BARD1: variants seen among roughly 807,000 people sequenced by gnomAD.
BARD1 encodes BRCA1-associated RING domain protein 1.
A neutral mutation model predicts 77.0 loss-of-function variants in BARD1; 73 were observed. The observed-to-expected ratio is 0.95, with a 90% CI of 0.79 to 1.15. The LOEUF (loss-of-function observed/expected upper bound fraction) is 1.15, where lower values mean the gene tolerates loss of function less well. BARD1 is among the 50% of genes most tolerant of loss of function. BARD1 has a pLI of 0.00. For missense variants in BARD1, 993 were observed against 938.8 expected (o/e 1.06, Z -0.75); for synonymous variants, 384 against 338.0 (o/e 1.14, Z -1.49).
intron 7 of BARD1, among the ~76,000 whole-genome samples, chr2:214,749,714 A>G (rs1693311246): frequency 6.6e-6 from 1 of 152,102 alleles, no homozygotes; most frequent in Non-Finnish European, 1.5e-5. Flanking sequence ...GTGGGACTGA[A>G]TTGAGTACCG....
chr2:214,796,792 T>C (rs181340368), intron 2 of BARD1: 3 of 454,596 alleles, frequency 6.6e-6, no homozygotes, highest in Admixed American at 3.7e-5. Context: ...TTGAATTATA[T>C]AAAAGGCATT....
At chr2:214,756,744 G>A (rs1247356815) in intron 6 of BARD1, among the ~76,000 whole-genome samples, 1 of 152,160 alleles carries the variant, frequency 6.6e-6, no homozygotes, top group Admixed American at 6.5e-5. Context: ...ATCAAACATT[G>A]TATGTTCTCA....
At chr2:214,801,391 A>T (rs769470126) in intron 1 of BARD1, among the ~76,000 whole-genome samples, 1 of 152,226 alleles carries the variant, frequency 6.6e-6, no homozygotes, top group Non-Finnish European at 1.5e-5. Flanking sequence ...TTACTGAAGA[A>T]GATTCACACT....
intron 3 of BARD1, among the ~76,000 whole-genome samples, chr2:214,789,251 AGGCAC>A (rs1695411590): frequency 6.6e-6 from 1 of 152,016 alleles, no homozygotes. Context: ...TAATTAGGTC[AGGCAC>A]AATTAGCTCA....
At chr2:214,740,474 G>A (rs1159900843) in intron 9 of BARD1, among the ~76,000 whole-genome samples, 12 of 151,938 alleles carry the variant, frequency 7.9e-5, no homozygotes, top group Admixed American at 7.9e-4. Context: ...TAAACAAATA[G>A]TCCTCTTCAG....
At chr2:214,795,328 T>C (rs1464080058) in intron 2 of BARD1, among the ~76,000 whole-genome samples, 1 of 152,018 alleles carries the variant, frequency 6.6e-6, no homozygotes, top group Non-Finnish European at 1.5e-5. Flanking sequence ...ATTTGGTGTA[T>C]TGAATGAGCT....
At chr2:214,803,032 G>C (rs4016112) in intron 1 of BARD1, among the ~76,000 whole-genome samples, 40,240 of 151,188 alleles carry the variant, frequency 0.27, 5,682 homozygotes, top group African/African-American at 0.37. Context: ...CCCCCAACCC[G>C]GTGCTCTCTG....
chr2:214,792,335 C>T lies in BARD1; in HGVS notation c.326G>A (p.Ser109Asn), dbSNP rs1695556373. ...GTCATGTAGCAAATTTCGAAGCTTA[C>T]TACAAAGTTGAATCATGCTGTCCAG... ...RQLDSMIQLCSKLRNLLHDNE... is the reference protein window; with the variant it reads ...RQLDSMIQLCNKLRNLLHDNE... Residue 109 changes from serine to asparagine, a missense_variant, in exon 3 of 11, where the codon AGT becomes AAT. Ser to Asn is a conservative substitution (Grantham distance 46, BLOSUM62 1). Transcript: ENST00000260947. The T allele has an allele frequency of 6.2e-7, 1 of 1,613,190 alleles. No individual in the cohort carries two copies. The highest frequency in any genetic ancestry group is 8.5e-7 in the Non-Finnish European group (1 of 1,179,668).
intron 9 of BARD1, among the ~76,000 whole-genome samples, chr2:214,742,363 G>C (rs1247575852): frequency 1.3e-5 from 2 of 152,156 alleles, no homozygotes; most frequent in African/African-American, 4.8e-5. Context: ...TGAGATGCTT[G>C]ACACTGAGAA....
At chr2:214,798,839 C>T (rs1231645866) in intron 1 of BARD1, among the ~76,000 whole-genome samples, 1 of 150,854 alleles carries the variant, frequency 6.6e-6, no homozygotes, top group Admixed American at 6.6e-5. Flanking sequence ...TTGGTAGCAA[C>T]CGGGTACTGA....
intron 10 of BARD1, 52 bp downstream of exon 10, chr2:214,730,359 A>C: frequency 2.7e-6 from 4 of 1,491,410 alleles, no homozygotes; most frequent in Non-Finnish European, 3.7e-6. Flanking sequence ...GATGGTGATA[A>C]TAATAGTATG....
rs1309501084 is a variant in BARD1, at chr2:214,780,362, G to A, written c.1314+198C>T. ...TTGGTTTTCTCCTACAAGATCATGC[G>A]CCCAGACTCAGGGGCCACTGCTCCA... On this transcript the variant is annotated intron_variant, in intron 4 of 10. Coordinates refer to ENST00000260947, the MANE Select transcript of BARD1 (RefSeq NM_000465.4). Among the ~76,000 whole-genome samples, 14 of 152,106 alleles carry A rather than the reference G, an allele frequency of 9.2e-5. 1 individual carries two copies. The highest frequency in any genetic ancestry group is 7.2e-4 in the Admixed American group (11 of 15,268).
chr2:214,805,803 T>C (rs1437587320), intron 1 of BARD1, among the ~76,000 whole-genome samples: 1 of 152,090 alleles, frequency 6.6e-6, no homozygotes, highest in Non-Finnish European at 1.5e-5. Context: ...GTTAAAAGAT[T>C]ACTTTCTAAC....
In BARD1 at chr2:214,781,602, T is replaced by G. The variant is rs565134316; in HGVS notation, c.365-93A>C. On this transcript the variant is annotated intron_variant, in intron 3 of 10. Coordinates refer to ENST00000260947, the MANE Select transcript of BARD1 (RefSeq NM_000465.4). ...AATTTTGTTTACAGTTCCCCTAAAGTGTATCATCTTTTAATTATGTACTTC... is the reference window on the plus strand; with the variant it reads ...AATTTTGTTTACAGTTCCCCTAAAGGGTATCATCTTTTAATTATGTACTTC... The G allele has an allele frequency of 1.5e-4, 139 of 939,272 alleles. No homozygotes were observed. In the African/African-American group the frequency reaches 2.2e-3, roughly 15 times the overall value. The allele number at this position is 939,272 out of a possible 1,614,324, so 58.2% of individuals were successfully genotyped here.
intron 6 of BARD1, among the ~76,000 whole-genome samples, chr2:214,753,609 G>C (rs1693558652): frequency 6.6e-6 from 1 of 152,048 alleles, no homozygotes; most frequent in Admixed American, 6.6e-5. Context: ...AAACATTAGG[G>C]GAAGTGAAAG....
chr2:214,792,114 C>A (rs1559436448), intron 3 of BARD1, among the ~76,000 whole-genome samples, 183 bp downstream of exon 3: 1 of 149,582 alleles, frequency 6.7e-6, no homozygotes, highest in East Asian at 1.9e-4. Context: ...GAGTTCAAGT[C>A]CGGCTTGGAC....
chr2:214,751,955 C>G (rs1303580518), intron 7 of BARD1, among the ~76,000 whole-genome samples: 1 of 152,148 alleles, frequency 6.6e-6, no homozygotes, highest in Non-Finnish European at 1.5e-5. Flanking sequence ...AGATAGTCAC[C>G]TGGCAGCCTC....
rs950663940 is a variant in BARD1 at position 214,800,702 on chromosome 2, T to G, written c.159-3585A>C. Among the ~76,000 whole-genome samples the G allele has an allele frequency of 4.6e-5, 7 of 152,152 alleles. No individual in the cohort carries two copies. In the East Asian group the frequency reaches 1.3e-3, roughly 29 times the overall value. On this transcript the variant is annotated intron_variant, in intron 1 of 10. Transcript: ENST00000260947. The stretch of plus-strand genomic sequence containing the variant: ...AAATGAAACTTTCAAACATCAAAGA[T>G]ATCTAGACAAGATTCTAAAACCTTC...
intron 9 of BARD1, among the ~76,000 whole-genome samples, chr2:214,742,106 T>G (rs1692864034): frequency 6.6e-6 from 1 of 152,228 alleles, no homozygotes; most frequent in African/African-American, 2.4e-5. Flanking sequence ...ATGGACAGAC[T>G]CAAACATGAG....
Sources: allele counts gnomAD v4.1 joint callset (sites outside exome capture counted in the v4.1 genomes callset), GRCh38; gene constraint gnomAD v4.1.1; transcripts MANE v1.5; gene names NCBI Gene and HGNC (gene_info 2026-07-23, HGNC 2026-07-21).